The following PTPRT variants were observed in gnomAD, a reference collection of about 807,000 sequenced individuals.
PTPRT encodes the protein protein tyrosine phosphatase receptor type T.
PTPRT carries 56 observed loss-of-function variants against 176.8 expected under a neutral mutation model. The ratio of observed to expected loss-of-function variants is 0.32; its 90% CI spans 0.26 to 0.40. PTPRT has a LOEUF of 0.40. Among genes scored for constraint, PTPRT ranks in the 10% least tolerant of loss-of-function variants. The pLI is 1.00. For missense variants in PTPRT, 1,540 were observed against 1,908.2 expected (o/e 0.81, Z 3.60); for synonymous variants, 783 against 739.0 (o/e 1.06, Z -0.96).
chr20:42,604,561 G>T (rs1401792202), intron 7 of PTPRT, among the ~76,000 whole-genome samples: 1 of 151,756 alleles, frequency 6.6e-6, no homozygotes, highest in Non-Finnish European at 1.5e-5. Flanking sequence ...GCACTAATGT[G>T]GGTGGCTATG....
chr20:42,502,166 G>A lies in PTPRT; in HGVS notation c.1154-29604C>T, dbSNP rs146361130. Among the ~76,000 whole-genome samples, 1,456 of 151,962 alleles carry A rather than the reference G, an allele frequency of 9.6e-3. 16 individuals carry two copies. The highest frequency in any genetic ancestry group is 0.013 in the Non-Finnish European group (892 of 67,916). ...TTTTAGTCTCACTTATTGACAAAAAGTTATTATATTCATTCATCATTAAGT... is the reference window on the plus strand; with the variant it reads ...TTTTAGTCTCACTTATTGACAAAAAATTATTATATTCATTCATCATTAAGT... On this transcript the variant is annotated intron_variant, in intron 7 of 30. Transcript: ENST00000373187.
intron 2 of PTPRT, among the ~76,000 whole-genome samples, chr20:42,804,869 C>T (rs181125386): frequency 6.6e-6 from 1 of 152,270 alleles, no homozygotes; most frequent in East Asian, 1.9e-4. Context: ...CCAGTCACAT[C>T]GAATTCAGAG....
chr20:43,021,754 T>C (rs1475779660), intron 1 of PTPRT, among the ~76,000 whole-genome samples: 1 of 150,502 alleles, frequency 6.6e-6, no homozygotes, highest in Non-Finnish European at 1.5e-5. Context: ...CCAAATTAAA[T>C]TAACCTGACC....
intron 11 of PTPRT, among the ~76,000 whole-genome samples, chr20:42,334,235 C>A (rs965193840): frequency 7.9e-5 from 12 of 152,118 alleles, no homozygotes; most frequent in Non-Finnish European, 1.5e-4. Flanking sequence ...CTGTGCTGTG[C>A]ATTGTGGGAT....
At chr20:42,057,379 GT>G in the PTPRT span, among the ~76,000 whole-genome samples, 2 of 152,116 alleles carry the variant, frequency 1.3e-5, no homozygotes, top group African/African-American at 4.8e-5. Flanking sequence ...GGATCACAGG[GT>G]TTGAAGGGTA....
chr20:42,744,183 G>T (rs187273991), intron 6 of PTPRT, among the ~76,000 whole-genome samples: 1 of 152,186 alleles, frequency 6.6e-6, no homozygotes, highest in Non-Finnish European at 1.5e-5. Context: ...TACCCTTCAG[G>T]ATCAGACTTC....
At chr20:42,601,064 T>C (rs573981365) in intron 7 of PTPRT, among the ~76,000 whole-genome samples, 8 of 152,176 alleles carry the variant, frequency 5.3e-5, no homozygotes, top group African/African-American at 1.9e-4. Context: ...TAGGTTGCTG[T>C]GCCTTGTCTC....
rs137859104 is a variant in PTPRT at position 42,486,346 on chromosome 20, T to C, written c.1154-13784A>G. Among the ~76,000 whole-genome samples, 771 of 152,352 alleles carry C rather than the reference T, an allele frequency of 5.1e-3. 8 individuals carry two copies. Among genetic ancestry groups the C allele is most frequent in the Middle Eastern group, 0.037 (11 of 294 alleles). ...CCTCTACAAAATATAGAGCTCTCCT[T>C]AAATGTCATCAGTCTCGATGCCTTT... On this transcript the variant is annotated intron_variant, in intron 7 of 30. Coordinates refer to ENST00000373187, the MANE Select transcript of PTPRT (RefSeq NM_007050.6).
At chr20:42,999,882 TTTC>T (rs1984453226) in intron 1 of PTPRT, among the ~76,000 whole-genome samples, 1 of 151,954 alleles carries the variant, frequency 6.6e-6, no homozygotes, top group African/African-American at 2.4e-5. Context: ...TTAAAGAGGA[TTTC>T]TTATCAATAT....
At chr20:42,290,091 G>A (rs1432682125) in intron 12 of PTPRT, among the ~76,000 whole-genome samples, 2 of 151,908 alleles carry the variant, frequency 1.3e-5, no homozygotes, top group Non-Finnish European at 2.9e-5. Context: ...TGTGGCCAGT[G>A]TGCCTATGTC....
At chr20:42,745,427 T>C (rs1231680648) in intron 6 of PTPRT, among the ~76,000 whole-genome samples, 1 of 152,186 alleles carries the variant, frequency 6.6e-6, no homozygotes, top group Non-Finnish European at 1.5e-5. Context: ...CTGTGTATCG[T>C]AGGGTGTTTA....
chr20:42,099,146 T>A (rs1272869131), intron 26 of PTPRT, among the ~76,000 whole-genome samples: 2 of 152,186 alleles, frequency 1.3e-5, no homozygotes, highest in Non-Finnish European at 2.9e-5. Context: ...AAGTTATGAG[T>A]CATCCATCTG....
At position 42,586,377 on chromosome 20, in the gene PTPRT, C is replaced by T. The variant is rs1169974334; in HGVS notation, c.1153+91489G>A. Among the ~76,000 whole-genome samples, 4 of 152,274 alleles carry T rather than the reference C, an allele frequency of 2.6e-5. No individual in the cohort carries two copies. In the East Asian group the frequency reaches 7.7e-4, roughly 29 times the overall value. On this transcript the variant is annotated intron_variant, in intron 7 of 30. Transcript: ENST00000373187. ...GTTTCTTGCAAAACCATTTTGATTTCAGTTGAAACTAATGACAGCAAGCAG... is the reference window on the plus strand; with the variant it reads ...GTTTCTTGCAAAACCATTTTGATTTTAGTTGAAACTAATGACAGCAAGCAG...
At chr20:42,631,760 T>C (rs1232634592) in intron 7 of PTPRT, among the ~76,000 whole-genome samples, 1 of 152,156 alleles carries the variant, frequency 6.6e-6, no homozygotes, top group Admixed American at 6.6e-5. Flanking sequence ...GAAGCTTGTG[T>C]AAATGAATGA....
At chr20:42,151,779 T>C (rs530568707) in intron 17 of PTPRT, among the ~76,000 whole-genome samples, 5 of 152,320 alleles carry the variant, frequency 3.3e-5, no homozygotes, top group African/African-American at 7.2e-5. Flanking sequence ...AGGGCAAAGA[T>C]GGGAAATCTC....
At chr20:42,258,191 C>G (rs773608218) in intron 13 of PTPRT, among the ~76,000 whole-genome samples, 2 of 152,094 alleles carry the variant, frequency 1.3e-5, no homozygotes, top group African/African-American at 4.8e-5. Flanking sequence ...GGTTTGCCAC[C>G]CACTCTATCA....
intron 1 of PTPRT, among the ~76,000 whole-genome samples, chr20:42,939,208 A>T (rs569484354): frequency 6.6e-6 from 1 of 152,328 alleles, no homozygotes; most frequent in South Asian, 2.1e-4. Context: ...ACATTTCGTC[A>T]ATTTCAATGG....
chr20:42,292,543 A>C (rs532899442), intron 12 of PTPRT, among the ~76,000 whole-genome samples: 10 of 152,300 alleles, frequency 6.6e-5, no homozygotes, highest in African/African-American at 2.2e-4. Flanking sequence ...AAGATTAAAT[A>C]ACATTTTTCA....
chr20:42,130,112 C>A (rs1422746987), intron 18 of PTPRT, among the ~76,000 whole-genome samples: 1 of 152,270 alleles, frequency 6.6e-6, no homozygotes, highest in African/African-American at 2.4e-5. Context: ...TGAGTTCGGT[C>A]GCTCCTGTTT....
Sources: allele counts gnomAD v4.1 joint callset (sites outside exome capture counted in the v4.1 genomes callset), GRCh38; gene constraint gnomAD v4.1.1; transcripts MANE v1.5; gene names NCBI Gene and HGNC (gene_info 2026-07-23, HGNC 2026-07-21).